NDST3: variants seen among roughly 807,000 people sequenced by gnomAD.
NDST3 encodes the protein N-deacetylase and N-sulfotransferase 3.
A neutral mutation model predicts 96.1 loss-of-function variants in NDST3; 58 were observed. The observed-to-expected ratio is 0.60, with a 90% CI of 0.49 to 0.75. The LOEUF (loss-of-function observed/expected upper bound fraction) is 0.75, where lower values mean the gene tolerates loss of function less well. Among genes scored for constraint, NDST3 ranks in the 30% least tolerant of loss-of-function variants. NDST3 has a pLI of 0.00. For synonymous variants in NDST3, 333 were observed against 359.7 expected (o/e 0.93, Z 0.84); for missense variants, 788 against 1,034.2 (o/e 0.76, Z 3.27).
At chr4:118,096,737 A>G (rs916001911) in intron 2 of NDST3, among the ~76,000 whole-genome samples, 1 of 151,790 alleles carries the variant, frequency 6.6e-6, no homozygotes, top group African/African-American at 2.4e-5. Context: ...ATTATAAGGA[A>G]TTGGCTTATG....
At chr4:118,254,429 C>T (rs958440279) in intron 13 of NDST3, among the ~76,000 whole-genome samples, 5 of 151,916 alleles carry the variant, frequency 3.3e-5, no homozygotes, top group Admixed American at 6.6e-5. Flanking sequence ...ATAATTTAGG[C>T]TTTGGGGAAT....
intron 6 of NDST3, among the ~76,000 whole-genome samples, chr4:118,213,645 A>T (rs1003228655): frequency 1.3e-5 from 2 of 151,098 alleles, no homozygotes; most frequent in Admixed American, 1.3e-4. Flanking sequence ...ATTGCTAAGC[A>T]GCAAACACTA....
intron 2 of NDST3, among the ~76,000 whole-genome samples, chr4:118,096,205 T>A (rs1439199210): frequency 6.6e-6 from 1 of 151,948 alleles, no homozygotes; most frequent in Admixed American, 6.6e-5. Context: ...ATTCTTAAAC[T>A]ACCTCTATAT....
intron 6 of NDST3, among the ~76,000 whole-genome samples, chr4:118,176,854 C>G (rs1055171167): frequency 2.6e-5 from 4 of 151,926 alleles, no homozygotes; most frequent in African/African-American, 9.7e-5. Context: ...TTGAATTATG[C>G]AGCATCAACT....
At chr4:118,044,060 C>T (rs1724615246) in intron 1 of NDST3, among the ~76,000 whole-genome samples, 1 of 152,166 alleles carries the variant, frequency 6.6e-6, no homozygotes, top group Non-Finnish European at 1.5e-5. Flanking sequence ...ATACTCTTCA[C>T]CACTCTGCCT....
At chr4:118,160,335 G>A (rs1338050547) in intron 6 of NDST3, among the ~76,000 whole-genome samples, 1 of 152,042 alleles carries the variant, frequency 6.6e-6, no homozygotes. Context: ...AATGAAGGAG[G>A]AGCTTCTGCA....
chr4:118,210,922 A>G (rs1738748811), intron 6 of NDST3, among the ~76,000 whole-genome samples: 2 of 152,198 alleles, frequency 1.3e-5, no homozygotes, highest in African/African-American at 4.8e-5. Context: ...AAACATATGC[A>G]TATGACAGTA....
intron 2 of NDST3, among the ~76,000 whole-genome samples, chr4:118,067,466 GAC>G (rs1198469276): frequency 6.6e-6 from 1 of 152,058 alleles, no homozygotes; most frequent in Non-Finnish European, 1.5e-5. Context: ...GAAAACTAAA[GAC>G]ACATTTTTCC....
intron 6 of NDST3, among the ~76,000 whole-genome samples, chr4:118,213,584 T>C (rs1459233307): frequency 2.0e-5 from 3 of 151,656 alleles, no homozygotes; most frequent in South Asian, 4.1e-4. Context: ...AATATATATA[T>C]ATATACACAT....
intron 6 of NDST3, among the ~76,000 whole-genome samples, chr4:118,184,076 T>C (rs11945958): frequency 0.05 from 7,590 of 152,280 alleles, 376 homozygotes; most frequent in African/African-American, 0.12. Context: ...TCTCCTCTTC[T>C]TACCTAGCAA....
At chr4:118,246,724 A>G (rs1252524119) in intron 12 of NDST3, among the ~76,000 whole-genome samples, 2 of 152,220 alleles carry the variant, frequency 1.3e-5, no homozygotes, top group African/African-American at 2.4e-5. Context: ...ACAAGGAGGC[A>G]GAAGAGAGAA....
chr4:118,244,778 A>G lies in NDST3; in HGVS notation c.2399+2629A>G, dbSNP rs545744913. On this transcript the variant is annotated intron_variant, in intron 12 of 13. Coordinates refer to ENST00000296499, the MANE Select transcript of NDST3 (RefSeq NM_004784.3). ...AGATTGTTGTTTATTCTTTTCCACA[A>G]GTGCTAAAGAAAGCGTTCAAGACTT... Among the ~76,000 whole-genome samples, 4 of 152,286 alleles carry G rather than the reference A, an allele frequency of 2.6e-5. No homozygotes were observed. In the South Asian group the frequency reaches 8.3e-4, roughly 32 times the overall value.
At chr4:118,078,037 G>A (rs1727700922) in intron 2 of NDST3, among the ~76,000 whole-genome samples, 1 of 152,210 alleles carries the variant, frequency 6.6e-6, no homozygotes, top group Non-Finnish European at 1.5e-5. Flanking sequence ...GTTTAGAAGT[G>A]TGGGGGATGG....
intron 4 of NDST3, among the ~76,000 whole-genome samples, chr4:118,134,460 G>C (rs1036906544): frequency 2.0e-5 from 3 of 152,156 alleles, no homozygotes; most frequent in African/African-American, 7.2e-5. Flanking sequence ...ATGCCAAAAG[G>C]CAATGGGATA....
chr4:118,184,602 T>TACACACACAC (rs562099266), intron 6 of NDST3, among the ~76,000 whole-genome samples: 3,551 of 138,496 alleles, frequency 0.026, 80 homozygotes, highest in Middle Eastern at 0.042. Context: ...TCTCTCTCTC[T>TACACACACAC]ACACACACAC....
At chr4:118,129,958 A>G (rs1732471994) in intron 4 of NDST3, among the ~76,000 whole-genome samples, 1 of 152,032 alleles carries the variant, frequency 6.6e-6, no homozygotes, top group Non-Finnish European at 1.5e-5. Context: ...GTCTCTTCTC[A>G]CAGTGTTTGT....
intron 6 of NDST3, among the ~76,000 whole-genome samples, chr4:118,214,890 T>C (rs1186607065): frequency 6.6e-6 from 1 of 152,136 alleles, no homozygotes; most frequent in African/African-American, 2.4e-5. Context: ...CAGATCTGTC[T>C]GTAAAGATTC....
At chr4:118,231,343 A>T (rs1394870424) in intron 8 of NDST3, among the ~76,000 whole-genome samples, 2 of 102,442 alleles carry the variant, frequency 2.0e-5, no homozygotes, top group African/African-American at 5.6e-5. Flanking sequence ...CTAAAAAAAA[A>T]TAAATAAATA....
chr4:118,112,908 ATGATT>A (rs1730760687), intron 3 of NDST3, among the ~76,000 whole-genome samples: 1 of 152,138 alleles, frequency 6.6e-6, no homozygotes, highest in Non-Finnish European at 1.5e-5. Context: ...AGTTAATATA[ATGATT>A]TGGTCAGTTC....
Sources: gnomAD v4.1 joint callset for allele counts (sites outside exome capture counted in the v4.1 genomes callset) on GRCh38, gnomAD v4.1.1 for gene constraint, MANE v1.5 for transcripts, NCBI Gene and HGNC (gene_info 2026-07-23, HGNC 2026-07-21) for gene names.